SIRT4: variants seen among roughly 807,000 people sequenced by gnomAD.
SIRT4 encodes sirtuin 4.
Under a neutral mutation model 26.1 loss-of-function variants are expected in SIRT4, and 23 were observed. The ratio of observed to expected loss-of-function variants is 0.88; its 90% CI spans 0.63 to 1.25. SIRT4 has a LOEUF of 1.25. Among genes scored for constraint, SIRT4 ranks in the 50% most tolerant of loss-of-function variants. The pLI is 0.00. For synonymous variants in SIRT4, 155 were observed against 158.4 expected, an observed-to-expected ratio of 0.98 and a Z score of 0.16; for missense variants, 361 against 405.4, an observed-to-expected ratio of 0.89 and a Z score of 0.94.
the SIRT4 span, chr12:120,293,355 T>C: frequency 6.6e-6 from 1 of 152,204 alleles, no homozygotes; most frequent in Non-Finnish European, 1.5e-5. Context: ...TATACAATCA[T>C]AGAAAGATGT....
At chr12:120,296,108 A>AG in the SIRT4 span, among the ~76,000 whole-genome samples, 1 of 150,802 alleles carries the variant, frequency 6.6e-6, no homozygotes, top group African/African-American at 2.4e-5. Context: ...AAAAAAAAAA[A>AG]AAAAAGAAAG....
intron 2 of SIRT4, among the ~76,000 whole-genome samples, chr12:120,311,763 A>AAAT (rs1872986579): frequency 4.3e-5 from 5 of 116,250 alleles, no homozygotes; most frequent in Non-Finnish European, 7.2e-5. Flanking sequence ...AAAAAAAAAA[A>AAAT]AGAGGTGAGA....
intron 1 of SIRT4, among the ~76,000 whole-genome samples, chr12:120,302,942 C>T (rs143770929): frequency 6.6e-6 from 1 of 150,622 alleles, no homozygotes; most frequent in South Asian, 2.1e-4. Context: ...AGGCATGTCT[C>T]GAACTCCTGA....
chr12:120,292,539 T>G, the SIRT4 span, among the ~76,000 whole-genome samples: 1 of 152,132 alleles, frequency 6.6e-6, no homozygotes, highest in African/African-American at 2.4e-5. Flanking sequence ...GGGCGGCAGT[T>G]TGCAGCGAGC....
rs201374997 is a variant in SIRT4, at chr12:120,312,741, A to T, written c.783A>T (p.Ser261=). The change falls in exon 3 of 4, where the codon TCA becomes TCT. Residue 261 remains serine, a synonymous_variant. Transcript: ENST00000202967. ...CCGACTCCCTCTTGGTGGTGGGATC[A>T]TCCTTGCAGGTATCTGACTTGGCAA... is the stretch of plus-strand genomic sequence containing the variant. ...KEADSLLVVG[S]SLQVYSGYRF... 14 of 1,612,766 alleles carry T rather than the reference A, an allele frequency of 8.7e-6. No homozygotes were observed. The highest frequency in any genetic ancestry group is 1.7e-5 in the Admixed American group (1 of 59,766).
intron 2 of SIRT4, among the ~76,000 whole-genome samples, chr12:120,307,668 G>A (rs1410338054): frequency 6.6e-6 from 1 of 152,002 alleles, no homozygotes; most frequent in Admixed American, 6.6e-5. Context: ...AGACCAGCCT[G>A]ACCAACACAG....
rs760623951 is a variant in SIRT4, at chr12:120,303,589, A to G, written c.28A>G (p.Arg10Gly). 8 of 1,613,160 alleles carry G rather than the reference A, an allele frequency of 5.0e-6. No homozygotes were observed. The highest frequency in any genetic ancestry group is 1.7e-5 in the Admixed American group (1 of 59,740). MKMSFALTF[R>G]SAKGRWIANP... ...GAAGATGAGCTTTGCGTTGACTTTC[A>G]GGTCAGCAAAAGGCCGTTGGATCGC... Residue 10 changes from arginine (R) to glycine (G), a missense_variant, in exon 2 of 4, where the codon AGG becomes GGG. Transcript: ENST00000202967.
upstream of SIRT4, among the ~76,000 whole-genome samples, chr12:120,300,823 C>G (rs1476108964): frequency 6.6e-6 from 1 of 152,084 alleles, no homozygotes; most frequent in Non-Finnish European, 1.5e-5. Flanking sequence ...CCTTTATGTC[C>G]AAAGACACTT....
At chr12:120,304,820 TATATATATATATATA>T (rs1566463385) in intron 2 of SIRT4, among the ~76,000 whole-genome samples, 3 of 7,036 alleles carry the variant, frequency 4.3e-4, no homozygotes, top group African/African-American at 7.9e-4. Flanking sequence ...TATATATATA[TATATATATATATATA>T]TTTTTTTTTT....
chr12:120,302,235 G>A (rs1330654190), upstream of SIRT4: 1 of 152,132 alleles, frequency 6.6e-6, no homozygotes, highest in Non-Finnish European at 1.5e-5. Flanking sequence ...GATGATCTGG[G>A]GCTGTCAATT....
chr12:120,300,399 C>A (rs571223638), upstream of SIRT4, among the ~76,000 whole-genome samples: 1 of 152,192 alleles, frequency 6.6e-6, no homozygotes, highest in East Asian at 1.9e-4. Context: ...AAAACTCTTT[C>A]TCAAGCTTCC....
chr12:120,302,975 G>A (rs1872601259), intron 1 of SIRT4, among the ~76,000 whole-genome samples: 1 of 151,048 alleles, frequency 6.6e-6, no homozygotes, highest in Admixed American at 6.6e-5. Context: ...TGCCTGCGTC[G>A]GCCTCCCAAA....
intron 2 of SIRT4, among the ~76,000 whole-genome samples, chr12:120,311,666 T>C (rs1418920851): frequency 1.4e-4 from 16 of 110,690 alleles, no homozygotes; most frequent in African/African-American, 5.3e-4. Context: ...GACCAGGAGG[T>C]GGAGGTTGCG....
At chr12:120,297,289 C>T in the SIRT4 span, among the ~76,000 whole-genome samples, 2 of 106,684 alleles carry the variant, frequency 1.9e-5, no homozygotes, top group Non-Finnish European at 3.7e-5. Flanking sequence ...AATAATGGGG[C>T]TTGGTGTGGT....
At chr12:120,301,563 G>A (rs1486176634), upstream of SIRT4, among the ~76,000 whole-genome samples, 5 of 152,178 alleles carry the variant, frequency 3.3e-5, no homozygotes, top group Non-Finnish European at 7.3e-5. Context: ...ATTTTGGGGG[G>A]CCGAGGTTGG....
chr12:120,298,120 C>T (rs1872400005), upstream of SIRT4, among the ~76,000 whole-genome samples: 1 of 136,232 alleles, frequency 7.3e-6, no homozygotes, highest in East Asian at 2.3e-4. Context: ...CACTTGAACC[C>T]GGGAGGCGGA....
the SIRT4 span, chr12:120,291,858 C>G: frequency 1.3e-5 from 2 of 152,090 alleles, no homozygotes; most frequent in Admixed American, 1.3e-4. Context: ...AATAATCGCG[C>G]CTCGGATAAA....
chr12:120,304,818 TATATATATATATATATA>T (rs1872677649), intron 2 of SIRT4, among the ~76,000 whole-genome samples: 1 of 6,682 alleles, frequency 1.5e-4, no homozygotes, highest in Non-Finnish European at 2.8e-4. Flanking sequence ...TATATATATA[TATATATATATATATATA>T]TTTTTTTTTT....
At chr12:120,291,801 T>A in the SIRT4 span, 1 of 152,228 alleles carries the variant, frequency 6.6e-6, no homozygotes, top group African/African-American at 2.4e-5. Context: ...ATGCCGACTA[T>A]ATTTCAAGTC....
Sources: allele counts gnomAD v4.1 joint callset (sites outside exome capture counted in the v4.1 genomes callset), GRCh38; gene constraint gnomAD v4.1.1; transcripts MANE v1.5; gene names NCBI Gene and HGNC (gene_info 2026-07-23, HGNC 2026-07-21).